ZNF521: variants seen among roughly 807,000 people sequenced by gnomAD.
ZNF521 encodes LYST-interacting protein 3.
A neutral mutation model predicts 105.5 loss-of-function variants in ZNF521; 14 were observed. The ratio of observed to expected loss-of-function variants is 0.13; its 90% CI spans 0.09 to 0.21. The LOEUF (loss-of-function observed/expected upper bound fraction) is 0.21. ZNF521 is among the 10% of genes least tolerant of loss of function. ZNF521 has a pLI of 1.00. For synonymous variants in ZNF521, 635 were observed against 606.0 expected (o/e 1.05, Z -0.70); for missense variants, 1,233 against 1,629.7 (o/e 0.76, Z 4.19).
intron 7 of ZNF521, among the ~76,000 whole-genome samples, chr18:25,065,419 G>A (rs1275304920): frequency 1.3e-5 from 2 of 152,080 alleles, no homozygotes; most frequent in African/African-American, 4.8e-5. Context: ...TGACCTTTGG[G>A]CTATGTGTAT....
At chr18:25,210,618 AT>A (rs2036163147) in intron 4 of ZNF521, among the ~76,000 whole-genome samples, 1 of 152,140 alleles carries the variant, frequency 6.6e-6, no homozygotes, top group African/African-American at 2.4e-5. Flanking sequence ...CTGTACTATT[AT>A]TTAGTTTTTA....
At chr18:25,145,654 C>A (rs962600714) in intron 5 of ZNF521, among the ~76,000 whole-genome samples, 4 of 152,122 alleles carry the variant, frequency 2.6e-5, no homozygotes, top group African/African-American at 7.2e-5. Flanking sequence ...TGCCCAACAA[C>A]CTCTTTTTGA....
chr18:25,237,702 T>C (rs1478551230), intron 3 of ZNF521, among the ~76,000 whole-genome samples: 1 of 152,222 alleles, frequency 6.6e-6, no homozygotes, highest in Non-Finnish European at 1.5e-5. Context: ...ACTGACTCAA[T>C]ACTGTCTGTA....
intron 4 of ZNF521, among the ~76,000 whole-genome samples, chr18:25,205,188 T>C (rs2036059679): frequency 6.9e-6 from 1 of 143,994 alleles, no homozygotes; most frequent in Non-Finnish European, 1.5e-5. Flanking sequence ...GAGCATGTGC[T>C]AATTATTTTT....
In ZNF521 at chr18:25,248,418, C is replaced by A. The variant is rs1462489556; in HGVS notation, c.221-20721G>T. Among the ~76,000 whole-genome samples the A allele has an allele frequency of 2.6e-5, 4 of 152,192 alleles. No homozygotes were observed. The East Asian group carries it at 7.7e-4, about 29-fold the overall frequency. On this transcript the variant is annotated intron_variant, in intron 3 of 7. Coordinates refer to ENST00000361524, the MANE Select transcript of ZNF521 (RefSeq NM_015461.3). ...CCTGCCTCTCCTGGAAAAGACTTGG[C>A]AACACTGAATGTATATTATGATGTT...
chr18:25,349,697 C>T (rs1034598277), intron 2 of ZNF521, among the ~76,000 whole-genome samples: 2 of 151,534 alleles, frequency 1.3e-5, no homozygotes, highest in Admixed American at 6.6e-5. Flanking sequence ...CACGGGGCGC[C>T]GCGGCCCGGC....
chr18:25,159,413 T>G (rs1004469799), intron 5 of ZNF521, among the ~76,000 whole-genome samples: 2 of 152,194 alleles, frequency 1.3e-5, no homozygotes, highest in Non-Finnish European at 2.9e-5. Context: ...TACAGATGTT[T>G]AAGTTTTCTG....
intron 3 of ZNF521, among the ~76,000 whole-genome samples, chr18:25,286,966 T>C (rs542336246): frequency 1.3e-5 from 2 of 152,196 alleles, no homozygotes; most frequent in African/African-American, 4.8e-5. Flanking sequence ...AAGACATCTT[T>C]AGAATATCAG....
chr18:25,187,392 G>A (rs1223928416), intron 5 of ZNF521, among the ~76,000 whole-genome samples: 3 of 151,508 alleles, frequency 2.0e-5, no homozygotes, highest in Non-Finnish European at 4.4e-5. Flanking sequence ...TTAATTTGAT[G>A]AAAATAGTAA....
At position 25,263,910 on chromosome 18, in the gene ZNF521, A is replaced by C. The variant is rs138426365; in HGVS notation, c.221-36213T>G. On this transcript the variant is annotated intron_variant, in intron 3 of 7. Coordinates refer to ENST00000361524, the MANE Select transcript of ZNF521 (RefSeq NM_015461.3). ...ATAACTTTCTTAACCTATATGTAAG[A>C]ATGAATAAATAGGTTATTAGCTTTT... Among the ~76,000 whole-genome samples the C allele has an allele frequency of 4.0e-3, 605 of 152,346 alleles. 9 individuals carry two copies. Among genetic ancestry groups the C allele is most frequent in the African/African-American group, 0.014 (581 of 41,574 alleles).
chr18:25,183,789 T>C (rs541862738), intron 5 of ZNF521, among the ~76,000 whole-genome samples: 1 of 152,282 alleles, frequency 6.6e-6, no homozygotes, highest in Non-Finnish European at 1.5e-5. Context: ...TTTTAAAAAG[T>C]CCTCATTTAC....
At position 25,062,422 on chromosome 18, in the gene ZNF521, C is replaced by CTTTT; in HGVS notation, c.*286_*289dup. 1 of 303,930 alleles carries CTTTT rather than the reference C, an allele frequency of 3.3e-6. No homozygotes were observed. Among genetic ancestry groups the CTTTT allele is most frequent in the Admixed American group, 5.4e-5 (1 of 18,644 alleles). 18.8% of individuals were successfully genotyped at this position (303,930 alleles called of 1,614,324 possible). On this transcript the variant is annotated 3_prime_UTR_variant, in exon 8 of 8. Coordinates refer to ENST00000361524, the MANE Select transcript of ZNF521 (RefSeq NM_015461.3). ...TATCTTAAGCCATTTTGGTCATAGT[C>CTTTT]TTTTTTTTTTTTTAATCTTGCCTGA...
intron 5 of ZNF521, among the ~76,000 whole-genome samples, chr18:25,191,221 T>C (rs1365579768): frequency 6.6e-6 from 1 of 152,306 alleles, no homozygotes; most frequent in South Asian, 2.1e-4. Flanking sequence ...TTTCTAAGTA[T>C]ATTTTAAAAA....
intron 5 of ZNF521, among the ~76,000 whole-genome samples, chr18:25,128,551 T>G (rs1019569625): frequency 1.3e-5 from 2 of 151,844 alleles, no homozygotes; most frequent in Non-Finnish European, 1.5e-5. Context: ...ATGTAGAAAA[T>G]CCCAGAGAAT....
At chr18:25,199,593 GA>G (rs1158557080) in intron 4 of ZNF521, among the ~76,000 whole-genome samples, 1 of 151,716 alleles carries the variant, frequency 6.6e-6, no homozygotes, top group Non-Finnish European at 1.5e-5. Context: ...AAAGTTTCAA[GA>G]AAAAAACATA....
intron 3 of ZNF521, among the ~76,000 whole-genome samples, chr18:25,301,781 G>C (rs973900270): frequency 2.0e-5 from 3 of 152,194 alleles, no homozygotes; most frequent in African/African-American, 7.2e-5. Context: ...GGGGATGTTT[G>C]CAGAGTCCAT....
At chr18:25,145,972 A>C (rs1369376481) in intron 5 of ZNF521, among the ~76,000 whole-genome samples, 1 of 152,246 alleles carries the variant, frequency 6.6e-6, no homozygotes, top group Non-Finnish European at 1.5e-5. Flanking sequence ...AGAGATGATG[A>C]CAACAGTTAC....
intron 5 of ZNF521, among the ~76,000 whole-genome samples, chr18:25,145,902 G>T (rs1229299271): frequency 6.6e-6 from 1 of 152,142 alleles, no homozygotes; most frequent in Non-Finnish European, 1.5e-5. Flanking sequence ...TGCTTAGAAA[G>T]TGGAAATGAA....
intron 5 of ZNF521, among the ~76,000 whole-genome samples, chr18:25,185,208 C>T (rs1011366911): frequency 1.3e-5 from 2 of 152,062 alleles, no homozygotes; most frequent in African/African-American, 4.8e-5. Context: ...AGATTTATAA[C>T]ATCTATACAA....
Sources: allele counts gnomAD v4.1 joint callset (sites outside exome capture counted in the v4.1 genomes callset), GRCh38; gene constraint gnomAD v4.1.1; transcripts MANE v1.5; gene names NCBI Gene and HGNC (gene_info 2026-07-23, HGNC 2026-07-21).